Variants in PRELID2 observed in about 807,000 individuals in gnomAD.
PRELID2 encodes PRELI domain-containing protein 2.
Under a neutral mutation model 28.4 loss-of-function variants are expected in PRELID2, and 25 were observed. The ratio of observed to expected loss-of-function variants is 0.88; its 90% CI spans 0.64 to 1.23. PRELID2 has a LOEUF of 1.23. Among genes scored for constraint, PRELID2 ranks in the 50% most tolerant of loss-of-function variants. The pLI is 0.00. For synonymous variants in PRELID2, 76 were observed against 71.6 expected (o/e 1.06, Z -0.31); for missense variants, 201 against 214.4 (o/e 0.94, Z 0.39).
chr5:145,395,748 A>G, the PRELID2 span, among the ~76,000 whole-genome samples: 2 of 152,166 alleles, frequency 1.3e-5, no homozygotes, highest in Middle Eastern at 3.2e-3. Context: ...AAAAAACAAA[A>G]AAGACAGGAG....
intron 1 of PRELID2, among the ~76,000 whole-genome samples, chr5:145,633,986 T>C (rs777270654): frequency 2.0e-5 from 3 of 152,178 alleles, no homozygotes; most frequent in Non-Finnish European, 4.4e-5. Context: ...TGTTAGATAA[T>C]TGCTAGAAAC....
intron 1 of PRELID2, among the ~76,000 whole-genome samples, chr5:145,594,071 T>C (rs1753268250): frequency 6.6e-6 from 1 of 152,310 alleles, no homozygotes; most frequent in South Asian, 2.1e-4. Flanking sequence ...AATTGGGGTA[T>C]TGTTTAGTGA....
intron 1 of PRELID2, among the ~76,000 whole-genome samples, chr5:145,585,151 T>C (rs1753141627): frequency 6.6e-6 from 1 of 151,998 alleles, no homozygotes; most frequent in African/African-American, 2.4e-5. Context: ...TGAATGGAGG[T>C]GGAAGCCATT....
intron 1 of PRELID2, among the ~76,000 whole-genome samples, chr5:145,499,761 CCT>C (rs1752341654): frequency 6.6e-6 from 1 of 152,158 alleles, no homozygotes; most frequent in South Asian, 2.1e-4. Context: ...GATGTAAACC[CCT>C]GACCCCGAAA....
chr5:145,338,771 T>C, the PRELID2 span, among the ~76,000 whole-genome samples: 2 of 152,194 alleles, frequency 1.3e-5, no homozygotes, highest in Non-Finnish European at 2.9e-5. Context: ...ACTGGCCCAA[T>C]ATCACACAGC....
intron 5 of PRELID2, among the ~76,000 whole-genome samples, chr5:145,790,721 G>GTATATATA (rs59779850): frequency 1.8e-5 from 2 of 110,904 alleles, no homozygotes; most frequent in Non-Finnish European, 3.8e-5. Flanking sequence ...GTGTGTGTGT[G>GTATATATA]TATATATATA....
chr5:145,633,945 C>T (rs34207413), intron 1 of PRELID2, among the ~76,000 whole-genome samples: 8,952 of 152,248 alleles, frequency 0.059, 833 homozygotes, highest in African/African-American at 0.2. Context: ...GGATCCTTTC[C>T]TCCTCCCACT....
At chr5:145,731,914 G>A (rs533519576) in intron 1 of PRELID2, among the ~76,000 whole-genome samples, 2 of 152,280 alleles carry the variant, frequency 1.3e-5, no homozygotes, top group South Asian at 2.1e-4. Flanking sequence ...TTTGTAGACC[G>A]AAGGATAGTT....
the PRELID2 span, among the ~76,000 whole-genome samples, chr5:145,237,886 C>G: frequency 6.6e-6 from 1 of 152,086 alleles, no homozygotes; most frequent in Non-Finnish European, 1.5e-5. Context: ...GATCCTCTAA[C>G]CAGTCTTACA....
intron 4 of PRELID2, among the ~76,000 whole-genome samples, chr5:145,817,421 T>TTATATATATATATATATA (rs6149278): frequency 1.2e-3 from 129 of 103,580 alleles, no homozygotes; most frequent in East Asian, 2.0e-3. Context: ...TAAGCTAGTT[T>TTATATATATATATATATA]TATATATATA....
chr5:145,735,512 A>C lies in PRELID2; in HGVS notation n.70+29419T>G, dbSNP rs149185187. On this transcript the variant is annotated intron_variant and non_coding_transcript_variant, in intron 1 of 2. Transcript: ENST00000510259. ...AGAACATAGTTTGTGATAAGGAAGC[A>C]TAACTCAAGAAGTATACAGATATTT... Among the ~76,000 whole-genome samples the C allele has an allele frequency of 3.3e-5, 5 of 152,360 alleles. No homozygotes were observed. The South Asian group carries it at 8.3e-4, about 25-fold the overall frequency.
chr5:145,603,282 A>G (rs1206776436), intron 1 of PRELID2, among the ~76,000 whole-genome samples: 1 of 149,308 alleles, frequency 6.7e-6, no homozygotes, highest in Non-Finnish European at 1.5e-5. Flanking sequence ...TAATTAAATC[A>G]GAGCAGCTAG....
chr5:145,820,039 C>A, intron 2 of PRELID2, 21 bp from the exon 3 acceptor site: 4 of 1,386,584 alleles, frequency 2.9e-6, no homozygotes, highest in South Asian at 2.5e-5. Flanking sequence ...AATTTTTTTA[C>A]ACAAAAAAAA....
chr5:145,777,297 G>A (rs145062177), intron 5 of PRELID2, among the ~76,000 whole-genome samples: 2,292 of 152,114 alleles, frequency 0.015, 24 homozygotes, highest in Middle Eastern at 0.061. Context: ...TGAACTCCTG[G>A]GCTCAGGCAA....
chr5:145,702,063 A>G (rs939632904), intron 1 of PRELID2, among the ~76,000 whole-genome samples: 5 of 151,146 alleles, frequency 3.3e-5, no homozygotes, highest in Admixed American at 1.3e-4. Context: ...AAAAAAAAAA[A>G]TATATATATA....
At chr5:145,686,082 C>T (rs1755032928) in intron 1 of PRELID2, among the ~76,000 whole-genome samples, 3 of 152,136 alleles carry the variant, frequency 2.0e-5, no homozygotes, top group Admixed American at 2.0e-4. Flanking sequence ...CTTTGTTATT[C>T]ATCATAGGTA....
chr5:145,536,139 C>T (rs1422959894), intron 1 of PRELID2, among the ~76,000 whole-genome samples: 1 of 151,912 alleles, frequency 6.6e-6, no homozygotes, highest in Non-Finnish European at 1.5e-5. Context: ...ACCTGTGGTT[C>T]TCTCCATTAC....
At chr5:145,819,539 T>G (rs1358876013) in intron 3 of PRELID2, 1 of 619,650 alleles carries the variant, frequency 1.6e-6, no homozygotes, top group Non-Finnish European at 2.8e-6. Flanking sequence ...ATAACTGTTA[T>G]CTCTGATAGT....
At chr5:145,479,841 A>G (rs976887102) in intron 1 of PRELID2, among the ~76,000 whole-genome samples, 5 of 152,164 alleles carry the variant, frequency 3.3e-5, no homozygotes, top group Non-Finnish European at 5.9e-5. Flanking sequence ...TTCCTCATAG[A>G]TGACAAAAAA....
Sources: gnomAD v4.1 joint callset for allele counts (sites outside exome capture counted in the v4.1 genomes callset) on GRCh38, gnomAD v4.1.1 for gene constraint, MANE v1.5 for transcripts, NCBI Gene and HGNC (gene_info 2026-07-23, HGNC 2026-07-21) for gene names.